Variants in PRSS23 observed in about 807,000 individuals in gnomAD.
PRSS23 encodes protease, serine 23.
In PRSS23, 25 loss-of-function variants were observed where a neutral mutation model predicts 34.7. That is an observed-to-expected ratio of 0.72 (90% CI 0.53 to 1.01). PRSS23 has a LOEUF of 1.01. PRSS23 is among the 50% of genes least tolerant of loss of function. PRSS23 has a pLI of 0.00. For synonymous variants in PRSS23, 176 were observed against 186.6 expected (o/e 0.94, Z 0.46); for missense variants, 445 against 475.6 (o/e 0.94, Z 0.60).
At chr11:86,833,290 G>A (rs569727398) in intron 2 of PRSS23, 154 of 1,545,530 alleles carry the variant, frequency 1.0e-4, no homozygotes, top group South Asian at 4.0e-4. Flanking sequence ...GTACATGGGG[G>A]TGTGGAGGTG....
intron 2 of PRSS23, among the ~76,000 whole-genome samples, chr11:86,827,744 G>T (rs940875291): frequency 6.6e-6 from 1 of 152,092 alleles, no homozygotes; most frequent in Non-Finnish European, 1.5e-5. Context: ...CCTTCATTTC[G>T]TTATGTACCC....
At chr11:86,903,222 A>G (rs189033175) in intron 2 of PRSS23, among the ~76,000 whole-genome samples, 5 of 152,200 alleles carry the variant, frequency 3.3e-5, no homozygotes, top group Admixed American at 6.5e-5. Context: ...ATGGATGTCT[A>G]GTGTCAATTT....
At chr11:86,795,525 G>C (rs1947975486) in intron 1 of PRSS23, among the ~76,000 whole-genome samples, 1 of 152,250 alleles carries the variant, frequency 6.6e-6, no homozygotes, top group South Asian at 2.1e-4. Flanking sequence ...ATTAAAAAAT[G>C]ATGTGGATCA....
intron 2 of PRSS23, among the ~76,000 whole-genome samples, chr11:86,891,021 G>C (rs911327986): frequency 3.3e-5 from 5 of 152,148 alleles, no homozygotes; most frequent in African/African-American, 7.2e-5. Flanking sequence ...GGCTAACCAG[G>C]AGTAAGCAGG....
intron 2 of PRSS23, among the ~76,000 whole-genome samples, chr11:86,874,195 C>T (rs760195560): frequency 7.9e-5 from 12 of 152,178 alleles, no homozygotes; most frequent in Non-Finnish European, 1.8e-4. Flanking sequence ...GATGGAGAAT[C>T]CTTGAGCCAG....
intron 2 of PRSS23, among the ~76,000 whole-genome samples, chr11:86,876,401 A>T (rs1434286805): frequency 1.3e-5 from 2 of 152,214 alleles, no homozygotes. Context: ...CTGGCTAACC[A>T]TTATTGCCTC....
intron 2 of PRSS23, among the ~76,000 whole-genome samples, chr11:86,939,431 T>TTTTTTTTAAAAAATATA (rs1555084022): frequency 7.1e-6 from 1 of 141,750 alleles, no homozygotes; most frequent in South Asian, 2.2e-4. Context: ...TATATATTTT[T>TTTTTTTTAAAAAATATA]TAACATGAGT....
chr11:86,893,829 G>GT (rs1228347675), intron 2 of PRSS23, among the ~76,000 whole-genome samples: 2 of 152,064 alleles, frequency 1.3e-5, no homozygotes. Flanking sequence ...GAAGGAACCA[G>GT]TAAGATATTA....
rs557332247 is a variant in PRSS23, at chr11:86,908,223, GA to G, written c.207-42992del. On this transcript the variant is annotated intron_variant, in intron 2 of 2. Coordinates refer to the PRSS23 transcript ENST00000533902. Reference sequence around the variant, plus strand: ...CTTTTTAATAAATACCCAGAAGTGGGATTATTGATTGGATCACATGGTAATT... The same window carrying G: ...CTTTTTAATAAATACCCAGAAGTGGGTTATTGATTGGATCACATGGTAATT... Among the ~76,000 whole-genome samples, 6 of 152,158 alleles carry G rather than the reference GA, an allele frequency of 3.9e-5. No individual in the cohort carries two copies. The South Asian group carries it at 1.0e-3, about 26-fold the overall frequency.
chr11:86,889,318 G>A lies in PRSS23; in HGVS notation c.207-61898G>A, dbSNP rs187976622. On this transcript the variant is annotated intron_variant, in intron 2 of 2. Transcript: ENST00000533902. ...GGCAATTTGGGCCCTGTCTTAGTCT[G>A]TTCCTATGGCAGTAACAAAATACCT... Among the ~76,000 whole-genome samples, 97 of 152,296 alleles carry A rather than the reference G, an allele frequency of 6.4e-4. 1 individual carries two copies. Among genetic ancestry groups the A allele is most frequent in the African/African-American group, 2.3e-3 (94 of 41,570 alleles).
At chr11:86,893,910 C>A (rs1948858038) in intron 2 of PRSS23, among the ~76,000 whole-genome samples, 1 of 152,088 alleles carries the variant, frequency 6.6e-6, no homozygotes, top group African/African-American at 2.4e-5. Flanking sequence ...AGTGAATTTA[C>A]AAATAGATGT....
chr11:86,866,281 A>C (rs906768437), intron 2 of PRSS23, among the ~76,000 whole-genome samples: 1 of 152,158 alleles, frequency 6.6e-6, no homozygotes, highest in East Asian at 1.9e-4. Context: ...AGAGAAGTAC[A>C]TGACAAGAGA....
chr11:86,890,563 G>A (rs1252502966), intron 2 of PRSS23, among the ~76,000 whole-genome samples: 1 of 152,222 alleles, frequency 6.6e-6, no homozygotes, highest in Non-Finnish European at 1.5e-5. Flanking sequence ...GAATTCGGGA[G>A]TGGCCAACCC....
At chr11:86,835,420 A>T (rs1350296447) in intron 2 of PRSS23, among the ~76,000 whole-genome samples, 1 of 152,172 alleles carries the variant, frequency 6.6e-6, no homozygotes, top group Non-Finnish European at 1.5e-5. Context: ...TTTTTCTGTG[A>T]CATATAAAGA....
chr11:86,876,068 G>C (rs574812396), intron 2 of PRSS23, among the ~76,000 whole-genome samples: 2 of 152,134 alleles, frequency 1.3e-5, no homozygotes, highest in Non-Finnish European at 2.9e-5. Context: ...GCCTTTCTGA[G>C]ACTTATTTTC....
At chr11:86,811,515 T>G (rs1565352711), downstream of PRSS23, among the ~76,000 whole-genome samples, 1 of 152,350 alleles carries the variant, frequency 6.6e-6, no homozygotes, top group East Asian at 1.9e-4. Flanking sequence ...TAGACTTTAC[T>G]CCAAATTTTG....
intron 2 of PRSS23, among the ~76,000 whole-genome samples, chr11:86,871,833 G>A (rs77677556): frequency 0.015 from 2,285 of 152,296 alleles, 18 homozygotes; most frequent in Middle Eastern, 0.024. Context: ...GAAAGCCACA[G>A]GAATAACATG....
chr11:86,855,454 A>T (rs1948562764), intron 2 of PRSS23, among the ~76,000 whole-genome samples: 1 of 152,070 alleles, frequency 6.6e-6, no homozygotes, highest in South Asian at 2.1e-4. Context: ...TTTTCTTCCC[A>T]GCCTCTGCTA....
intron 2 of PRSS23, among the ~76,000 whole-genome samples, chr11:86,872,487 C>T (rs1471875677): frequency 2.0e-5 from 3 of 152,112 alleles, no homozygotes; most frequent in African/African-American, 7.2e-5. Flanking sequence ...ATTCCTCCAC[C>T]CTCAGGTCAG....
Sources: allele counts gnomAD v4.1 joint callset (sites outside exome capture counted in the v4.1 genomes callset), GRCh38; gene constraint gnomAD v4.1.1; transcripts MANE v1.5; gene names NCBI Gene and HGNC (gene_info 2026-07-23, HGNC 2026-07-21).